Variants in SLC35B3 observed in about 807,000 individuals in gnomAD.
The protein encoded by SLC35B3 is solute carrier family 35 member B3.
In SLC35B3, 35 loss-of-function variants were observed where a neutral mutation model predicts 44.1. That is an observed-to-expected ratio of 0.79 (90% confidence interval 0.61 to 1.05). SLC35B3 has a LOEUF of 1.05. Ranked by LOEUF, SLC35B3 falls within the 50% of genes least tolerant of loss-of-function variation. The probability of loss-of-function intolerance (pLI) is 0.00; values close to 1 mark genes in which losing one functional copy is unlikely to be tolerated. For missense variants in SLC35B3, 414 were observed against 476.4 expected (o/e 0.87, Z 1.22); for synonymous variants, 146 against 167.3 (o/e 0.87, Z 0.98).
In SLC35B3 at chr6:8,432,253, C is replaced by G. The variant is rs976285281; in HGVS notation, c.4-2096G>C. On this transcript the variant is annotated intron_variant, in intron 2 of 10. Coordinates refer to ENST00000644923, the MANE Select transcript of SLC35B3 (RefSeq NM_001370476.2). This position sits in a 1 kb window ranked among gnomAD's most constrained non-coding sequence, Gnocchi z 4.8. Reference sequence around the variant, plus strand: ...TGAAATGGATGGTGGTACTGGCAAACTTTATGAGCAAAACTGAAAATCTTA... The same window carrying G: ...TGAAATGGATGGTGGTACTGGCAAAGTTTATGAGCAAAACTGAAAATCTTA... 6.6e-6 allele frequency among the ~76,000 whole-genome samples: 1 copy of G among 151,794 alleles called. No individual in the cohort carries two copies. The highest frequency in any genetic ancestry group is 1.5e-5 in the Non-Finnish European group (1 of 67,970).
At position 8,434,293 on chromosome 6, in the gene SLC35B3, GA is replaced by G. The variant is rs1178573602; in HGVS notation, c.3+91del. On this transcript the variant is annotated intron_variant, in intron 2 of 10. Transcript: ENST00000644923. This position sits in a 1 kb window ranked among gnomAD's most constrained non-coding sequence, Gnocchi z 6.3. Reference sequence around the variant, plus strand: ...CCCACACCAAAAAAAGGTAGAATATGAAAAAAAAGTCATTACGGTGTCATTA... The same window carrying G: ...CCCACACCAAAAAAAGGTAGAATATGAAAAAAAGTCATTACGGTGTCATTA... 7.7e-5 allele frequency: 95 copies of G among 1,236,214 alleles called. No homozygotes were observed. The highest frequency in any genetic ancestry group is 1.1e-4 in the Admixed American group (6 of 53,564). The allele number at this position is 1,236,214 out of a possible 1,614,324, so 76.6% of individuals were successfully genotyped here.
At chr6:8,428,180 T>C (rs1763619495) in intron 3 of SLC35B3, 122 bp from the exon 3 acceptor site, 1 of 898,226 alleles carries the variant, frequency 1.1e-6, no homozygotes, top group Non-Finnish European at 1.6e-6. Flanking sequence ...CAACAAAATG[T>C]AAATTAGAGA....
rs771260876 is a variant in SLC35B3, at chr6:8,420,710, AAATT to A, written c.682+7_682+10del. 3.6e-5 allele frequency: 58 copies of A among 1,596,250 alleles called. No homozygotes were observed. Among genetic ancestry groups the A allele is most frequent in the Admixed American group, 5.1e-5 (3 of 58,688 alleles). On this transcript the variant is annotated splice_region_variant and intron_variant, in intron 6 of 10. Coordinates refer to ENST00000644923, the MANE Select transcript of SLC35B3 (RefSeq NM_001370476.2). This position sits in a 1 kb window ranked among gnomAD's most constrained non-coding sequence, Gnocchi z 4.4. ...GCCTATAAAAGCTAGGAATATAAAT[AAATT>A]ACTTACCCGTCAGGTTGAAATTTGG...
chr6:8,414,774 A>C (rs1159376277), intron 10 of SLC35B3, 134 bp downstream of exon 9: 9 of 447,478 alleles, frequency 2.0e-5, no homozygotes, highest in Non-Finnish European at 3.5e-5. Context: ...AAAAAAAACC[A>C]CATTAATTTA....
chr6:8,424,184 C>T lies in SLC35B3; in HGVS notation c.420-1560G>A, dbSNP rs139150606. On this transcript the variant is annotated intron_variant, in intron 4 of 10. Transcript: ENST00000644923. ...TAATGAAGAAATTAGATTTGATCAG[C>T]TTGCCTCCAGGATACTCACTATTTC... Among the ~76,000 whole-genome samples the T allele has an allele frequency of 2.3e-4, 35 of 152,334 alleles. No homozygotes were observed. The East Asian group carries it at 5.8e-3, about 25-fold the overall frequency.
chr6:8,431,302 C>T (rs3799258), intron 2 of SLC35B3, among the ~76,000 whole-genome samples: 75,525 of 152,020 alleles, frequency 0.5, 19,632 homozygotes, highest in African/African-American at 0.67. Flanking sequence ...TTAAACTCTG[C>T]GGCACGAAGA....
In SLC35B3 at chr6:8,432,378, T is replaced by A. The variant is rs918115938; in HGVS notation, c.3+2007A>T. On this transcript the variant is annotated intron_variant, in intron 2 of 10. Transcript: ENST00000644923. The surrounding 1 kb of genome is among the most constrained non-coding windows in gnomAD (Gnocchi z 4.8). The stretch of plus-strand genomic sequence containing the variant: ...AGAAAATATCTTTCTTTCCTGCTTT[T>A]ATTGGCATCAAAACATTTCTCCAGA... Among the ~76,000 whole-genome samples the A allele has an allele frequency of 6.6e-6, 1 of 152,104 alleles. No homozygotes were observed. Among genetic ancestry groups the A allele is most frequent in the Non-Finnish European group, 1.5e-5 (1 of 68,028 alleles).
intron 10 of SLC35B3, 58 bp from the exon 10 acceptor site, chr6:8,413,757 A>T: frequency 8.7e-7 from 1 of 1,143,224 alleles, no homozygotes; most frequent in South Asian, 1.6e-5. Context: ...ATTTACTATT[A>T]ACCACAGAAT....
In SLC35B3 at chr6:8,419,728, A is replaced by G. The variant is rs765264359; in HGVS notation, c.683-51T>C. The G allele has an allele frequency of 7.0e-6, 7 of 1,003,022 alleles. No homozygotes were observed. The highest frequency in any genetic ancestry group is 2.3e-4 in the Middle Eastern group (1 of 4,340). The allele number at this position is 1,003,022 out of a possible 1,614,324, so 62.1% of individuals were successfully genotyped here. A position where few individuals can be genotyped will look rare whatever the true frequency, so the allele number is the denominator to read the frequency against. ...ACAAAAAAACCCTCCTTATTTAAAC[A>G]TATGAACTATAATCAAGCTTTATCA... is the stretch of plus-strand genomic sequence containing the variant. On this transcript the variant is annotated intron_variant, in intron 6 of 10. Transcript: ENST00000644923. The surrounding 1 kb of genome is among the most constrained non-coding windows in gnomAD (Gnocchi z 4.3).
At position 8,430,234 on chromosome 6, in the gene SLC35B3, T is replaced by C. The variant is rs187721219; in HGVS notation, c.4-77A>G. On this transcript the variant is annotated intron_variant, in intron 2 of 10. Transcript: ENST00000644923. ...CCAAATAATATTCCAAATCATACTT[T>C]AAAGTTATACAAATGTCTGCTTCTC... 9.3e-6 allele frequency: 12 copies of C among 1,295,030 alleles called. No individual in the cohort carries two copies. The East Asian group carries it at 1.7e-4, about 18-fold the overall frequency. The allele number at this position is 1,295,030 out of a possible 1,614,324, so 80.2% of individuals were successfully genotyped here. A position where few individuals can be genotyped will look rare whatever the true frequency, so the allele number is the denominator to read the frequency against.
chr6:8,422,767 A>G, intron 4 of SLC35B3, 143 bp from the exon 4 acceptor site: 1 of 651,632 alleles, frequency 1.5e-6, no homozygotes. Flanking sequence ...AAATATCACT[A>G]TTTAAAAACT....
rs62395730 is a variant in SLC35B3 at position 8,411,649 on chromosome 6, C to T, written c.*1900G>A. Among the ~76,000 whole-genome samples the T allele has an allele frequency of 0.13, 19,442 of 152,076 alleles. 1,379 individuals are homozygous for T. The highest frequency in any genetic ancestry group is 0.16 in the South Asian group (787 of 4,822). On this transcript the variant is annotated 3_prime_UTR_variant, in exon 11 of 11. Transcript: ENST00000644923. Reference sequence around the variant, plus strand: ...ATTTCAGCAAATGGGCAAATGAAAACCAGTCCGAATTCCTCATGCTGGACC... The same window carrying T: ...ATTTCAGCAAATGGGCAAATGAAAATCAGTCCGAATTCCTCATGCTGGACC...
In SLC35B3 at chr6:8,419,569, A is replaced by G; in HGVS notation, c.780+11T>C. 1 of 1,348,634 alleles carries G rather than the reference A, an allele frequency of 7.4e-7. No homozygotes were observed. Among genetic ancestry groups the G allele is most frequent in the East Asian group, 2.4e-5 (1 of 40,974 alleles). 83.5% of individuals were successfully genotyped at this position (1,348,634 alleles called of 1,614,324 possible). On this transcript the variant is annotated intron_variant, in intron 7 of 10. Coordinates refer to ENST00000644923, the MANE Select transcript of SLC35B3 (RefSeq NM_001370476.2). This position sits in a 1 kb window ranked among gnomAD's most constrained non-coding sequence, Gnocchi z 4.3. ...CTGTCTAATTTGAAGAAAAAACACT[A>G]GAGTATTTACCATTTCAGAATTAGA...
Position 8,429,949 on chromosome 6 carries a change from T to A in SLC35B3, c.212A>T (p.Asn71Ile). The A allele has an allele frequency of 6.2e-7, 1 of 1,612,162 alleles. No individual in the cohort carries two copies. The highest frequency in any genetic ancestry group is 1.1e-5 in the South Asian group (1 of 90,338). ...AGTAAGTTTGTTAAACTTGCTGAGA[T>A]TCATGCCAAGTACCACAACGTCGTC... The change falls in exon 3 of 11, where the codon AAT (asparagine) becomes ATT (isoleucine). Residue 71 changes from asparagine to isoleucine, a missense_variant. By Grantham distance (149) the Asn-to-Ile change is moderately radical. Coordinates refer to ENST00000644923, the MANE Select transcript of SLC35B3 (RefSeq NM_001370476.2).
rs936522903 is a variant in SLC35B3 at position 8,412,100 on chromosome 6, A to C, written c.*1449T>G. Among the ~76,000 whole-genome samples, 1 of 152,124 alleles carries C rather than the reference A, an allele frequency of 6.6e-6. No homozygotes were observed. The highest frequency in any genetic ancestry group is 1.9e-4 in the East Asian group (1 of 5,192). Reference sequence around the variant, plus strand: ...CAGAGTCCTTGAAAATGGGATTAGCACCCAAGGGAGCTTGTTTGGCCCTTC... The same window carrying C: ...CAGAGTCCTTGAAAATGGGATTAGCCCCCAAGGGAGCTTGTTTGGCCCTTC... On this transcript the variant is annotated 3_prime_UTR_variant, in exon 11 of 11. Transcript: ENST00000644923.
intron 2 of SLC35B3, among the ~76,000 whole-genome samples, chr6:8,431,674 T>G (rs1469675814): frequency 6.6e-6 from 1 of 152,234 alleles, no homozygotes; most frequent in Non-Finnish European, 1.5e-5. Context: ...TTATGTAATC[T>G]TGCAGGGTAT....
In SLC35B3 at chr6:8,434,505, G is replaced by A. The variant is rs1012935012; in HGVS notation, c.-43-75C>T. 6 of 1,278,486 alleles carry A rather than the reference G, an allele frequency of 4.7e-6. No individual in the cohort carries two copies. In the Admixed American group the frequency reaches 8.3e-5, roughly 18 times the overall value. The allele number at this position is 1,278,486 out of a possible 1,614,324, so 79.2% of individuals were successfully genotyped here. A position where few individuals can be genotyped will look rare whatever the true frequency, so the allele number is the denominator to read the frequency against. The stretch of plus-strand genomic sequence containing the variant: ...TTTGTACACACATCATTACACAAAG[G>A]TGGAGAAACCCTGTGCTAATGTTTG... On this transcript the variant is annotated intron_variant, in intron 1 of 10. Coordinates refer to ENST00000644923, the MANE Select transcript of SLC35B3 (RefSeq NM_001370476.2). This position sits in a 1 kb window ranked among gnomAD's most constrained non-coding sequence, Gnocchi z 6.3.
In SLC35B3 at chr6:8,435,463, C is replaced by CA. The variant is rs1314747362; in HGVS notation, c.-165dup. The stretch of plus-strand genomic sequence containing the variant: ...CCTCCTCTTCCTCCTCCTCCTCGCC[C>CA]ACTCCTGCACTTTCCACCGCGGCGG... On this transcript the variant is annotated 5_prime_UTR_variant, in exon 1 of 11. Transcript: ENST00000644923. This position sits in a 1 kb window ranked among gnomAD's most constrained non-coding sequence, Gnocchi z 5.5. 1 of 1,121,516 alleles carries CA rather than the reference C, an allele frequency of 8.9e-7. No individual in the cohort carries two copies. Among genetic ancestry groups the CA allele is most frequent in the East Asian group, 5.9e-5 (1 of 16,878 alleles). 69.5% of individuals were successfully genotyped at this position (1,121,516 alleles called of 1,614,324 possible).
Position 8,433,047 on chromosome 6 carries a change from T to C in SLC35B3, c.3+1338A>G, listed in dbSNP as rs1764140130. ...TAGTATGAAACACAAGCTAAAAATC[T>C]GGGAGTCATCTTAAGAATCTTTCCT... On this transcript the variant is annotated intron_variant, in intron 2 of 10. Coordinates refer to ENST00000644923, the MANE Select transcript of SLC35B3 (RefSeq NM_001370476.2). The surrounding 1 kb of genome is among the most constrained non-coding windows in gnomAD (Gnocchi z 4.1). Among the ~76,000 whole-genome samples the C allele has an allele frequency of 6.6e-6, 1 of 152,212 alleles. No homozygotes were observed. The highest frequency in any genetic ancestry group is 1.5e-5 in the Non-Finnish European group (1 of 68,026).
Sources: gnomAD v4.1 joint callset for allele counts (sites outside exome capture counted in the v4.1 genomes callset) on GRCh38, gnomAD v4.1.1 for gene constraint, Gnocchi (gnomAD v3.1) non-coding constraint, MANE v1.5 for transcripts, NCBI Gene and HGNC (gene_info 2026-07-23, HGNC 2026-07-21) for gene names.